Variants in EIF3M observed in about 807,000 individuals in gnomAD.
EIF3M encodes the protein B5 receptor.
In EIF3M, 25 loss-of-function variants were observed where a neutral mutation model predicts 49.7. That is an observed-to-expected ratio of 0.50 (90% CI 0.37 to 0.70). The LOEUF (loss-of-function observed/expected upper bound fraction) is 0.70, where lower values mean the gene tolerates loss of function less well. Ranked by LOEUF, EIF3M falls within the 30% of genes least tolerant of loss-of-function variation. The pLI is 0.00. For missense variants in EIF3M, 350 were observed against 440.0 expected (o/e 0.80, Z 1.83); for synonymous variants, 156 against 149.8 (o/e 1.04, Z -0.30).
At chr11:32,594,620 A>G in intron 6 of EIF3M, 1 of 244,146 alleles carries the variant, frequency 4.1e-6, no homozygotes, top group Non-Finnish European at 8.0e-6. Context: ...AGGCAAGTGA[A>G]GCACTTAGTG....
chr11:32,592,662 C>T (rs907935598), intron 5 of EIF3M: 4 of 503,546 alleles, frequency 7.9e-6, no homozygotes, highest in Non-Finnish European at 1.5e-5. Context: ...TGTGAGTGTG[C>T]TCCATTTCTT....
chr11:32,601,603 G>C, intron 9 of EIF3M, 159 bp from the exon 10 acceptor site: 1 of 561,166 alleles, frequency 1.8e-6, no homozygotes, highest in Non-Finnish European at 3.1e-6. Flanking sequence ...CTTTCTTTTG[G>C]TTGCCCCATA....
chr11:32,583,864 G>A lies in EIF3M; in HGVS notation c.-24G>A, dbSNP rs769875867. 22 of 1,611,316 alleles carry A rather than the reference G, an allele frequency of 1.4e-5. No individual in the cohort carries two copies. Among genetic ancestry groups the A allele is most frequent in the Non-Finnish European group, 1.8e-5 (21 of 1,178,188 alleles). Reference sequence around the variant, plus strand: ...GTCGGCGTGGTCTTGCGAGTGGAGTGTCCGCTGTGCCCGGGCCTGCACCAT... The same window carrying A: ...GTCGGCGTGGTCTTGCGAGTGGAGTATCCGCTGTGCCCGGGCCTGCACCAT... On this transcript the variant is annotated 5_prime_UTR_variant, in exon 1 of 11. Coordinates refer to ENST00000531120, the MANE Select transcript of EIF3M (RefSeq NM_006360.6).
Position 32,602,294 on chromosome 11 carries a change from G to C in EIF3M, c.1020G>C (p.Arg340=). ...CAATTTTTAGTCATAGCACACATCG[G>C]ACATTTGGAAAACAGCAGTGGCAAC... is the stretch of plus-strand genomic sequence containing the variant. ...RKVVVSHSTH[R]TFGKQQWQQL... is the part of the protein sequence containing the mutation. The change falls in exon 11 of 11, where the codon CGG becomes CGC. Residue 340 remains arginine, a synonymous_variant. Coordinates refer to ENST00000531120, the MANE Select transcript of EIF3M (RefSeq NM_006360.6). The C allele has an allele frequency of 6.2e-7, 1 of 1,611,112 alleles. No homozygotes were observed. Among genetic ancestry groups the C allele is most frequent in the South Asian group, 1.1e-5 (1 of 90,508 alleles).
chr11:32,584,449 T>C (rs1338204582), intron 1 of EIF3M, among the ~76,000 whole-genome samples: 1 of 150,016 alleles, frequency 6.7e-6, no homozygotes, highest in Non-Finnish European at 1.5e-5. Flanking sequence ...CTATTAAAAA[T>C]ACAAAAAAAT....
rs1855061733 is a variant in EIF3M, at chr11:32,589,580, A to G, written c.472A>G (p.Thr158Ala). Reference sequence around the variant, plus strand: ...ATGGATTTCTGACTGGAATCTCACCACTGAAAAAAAGCACACCCTTTTAAG... The same window carrying G: ...ATGGATTTCTGACTGGAATCTCACCGCTGAAAAAAAGCACACCCTTTTAAG... Reference protein sequence around the residue: ...RKWISDWNLTTEKKHTLLRLL... With the variant: ...RKWISDWNLTAEKKHTLLRLL... Residue 158 changes from threonine to alanine, a missense_variant, in exon 5 of 11, where the codon ACT (threonine) becomes GCT (alanine). Coordinates refer to ENST00000531120, the MANE Select transcript of EIF3M (RefSeq NM_006360.6). 1.2e-6 allele frequency: 2 copies of G among 1,614,058 alleles called. No individual in the cohort carries two copies. Among genetic ancestry groups the G allele is most frequent in the Middle Eastern group, 1.6e-4 (1 of 6,070 alleles).
chr11:32,589,806 AAG>A (rs1295706029), intron 5 of EIF3M, among the ~76,000 whole-genome samples, 165 bp downstream of exon 5: 2 of 152,212 alleles, frequency 1.3e-5, no homozygotes, highest in Admixed American at 1.3e-4. Flanking sequence ...GATAACTATA[AAG>A]ATTAAAAGTA....
At chr11:32,594,760 G>C in intron 6 of EIF3M, 154 bp from the exon 7 acceptor site, 1 of 568,138 alleles carries the variant, frequency 1.8e-6, no homozygotes, top group Non-Finnish European at 3.0e-6. Flanking sequence ...GTGTTGGCCT[G>C]TCTTAACCCA....
At chr11:32,593,840 G>A (rs1565048688) in intron 5 of EIF3M, 26 bp from the exon 6 acceptor site, 2 of 1,517,628 alleles carry the variant, frequency 1.3e-6, no homozygotes, top group East Asian at 2.4e-5. Context: ...ATGCTTTCAA[G>A]TTCCTAAAGC....
chr11:32,587,111 G>T lies in EIF3M; in HGVS notation c.142G>T (p.Ala48Ser). The T allele has an allele frequency of 6.2e-7, 1 of 1,612,122 alleles. No individual in the cohort carries two copies. The change falls in exon 2 of 11, where the codon GCC becomes TCC. Residue 48 changes from alanine (A) to serine (S), a missense_variant. Transcript: ENST00000531120. ...LHVDLAQIIEACDVCLKEDDK... is the reference protein window; with the variant it reads ...LHVDLAQIIESCDVCLKEDDK... ...TGTTGATTTAGCTCAAATTATTGAAGCCTGTGATGTGTGTCTGAAGGAGGA... is the reference window on the plus strand; with the variant it reads ...TGTTGATTTAGCTCAAATTATTGAATCCTGTGATGTGTGTCTGAAGGAGGA...
intron 8 of EIF3M, among the ~76,000 whole-genome samples, chr11:32,598,869 T>C (rs1181986580): frequency 2.6e-5 from 4 of 152,096 alleles, no homozygotes; most frequent in Non-Finnish European, 5.9e-5. Flanking sequence ...TACTTATTCA[T>C]TGATAAGAAA....
chr11:32,586,284 A>G (rs1417726438), intron 1 of EIF3M, among the ~76,000 whole-genome samples: 4 of 152,192 alleles, frequency 2.6e-5, no homozygotes, highest in Non-Finnish European at 5.9e-5. Flanking sequence ...TGGCTGCCAT[A>G]AAGAGTCCCA....
intron 1 of EIF3M, among the ~76,000 whole-genome samples, chr11:32,585,950 C>A (rs1202880422): frequency 6.6e-6 from 1 of 152,140 alleles, no homozygotes; most frequent in Admixed American, 6.5e-5. Flanking sequence ...TAAAACCAGG[C>A]TGAGCACGGT....
At position 32,589,048 on chromosome 11, in the gene EIF3M, T is replaced by G. The variant is rs544647585; in HGVS notation, c.351T>G (p.Thr117=). The change falls in exon 4 of 11, where the codon ACT becomes ACG. Residue 117 remains threonine, a synonymous_variant. Transcript: ENST00000531120. ...TTTTCCACGGGATGGATAAGAATAC[T>G]CCTGTAAGATACACAGTGTATTGCA... ...SNLFHGMDKN[T]PVRYTVYCSL... The G allele has an allele frequency of 6.2e-7, 1 of 1,614,232 alleles. No homozygotes were observed. Among genetic ancestry groups the G allele is most frequent in the South Asian group, 1.1e-5 (1 of 91,078 alleles).
intron 9 of EIF3M, 152 bp downstream of exon 9, chr11:32,600,984 T>C: frequency 1.0e-6 from 1 of 1,002,164 alleles, no homozygotes; most frequent in Non-Finnish European, 1.4e-6. Flanking sequence ...ATATTTGTTG[T>C]AGGGTGAAAA....
In EIF3M at chr11:32,602,837, A is replaced by G. The variant is rs371329027; in HGVS notation, c.*438A>G. 95 of 1,600,404 alleles carry G rather than the reference A, an allele frequency of 5.9e-5. No homozygotes were observed. Among genetic ancestry groups the G allele is most frequent in the African/African-American group, 2.7e-4 (20 of 73,770 alleles). On this transcript the variant is annotated 3_prime_UTR_variant, in exon 11 of 11. Coordinates refer to ENST00000531120, the MANE Select transcript of EIF3M (RefSeq NM_006360.6). ...TATTTTAATCTGTTGTTTTTTTCCA[A>G]CGTCTCTTCTGCTTTTCTTTTCTTT...
chr11:32,585,096 C>T (rs1188898217), intron 1 of EIF3M, among the ~76,000 whole-genome samples: 1 of 152,050 alleles, frequency 6.6e-6, no homozygotes. Flanking sequence ...CTCTCTCCTC[C>T]CCCCGCCCCA....
rs1855340279 is a variant in EIF3M, at chr11:32,605,673, TGA to T, written c.*3278_*3279del. On this transcript the variant is annotated 3_prime_UTR_variant, in exon 11 of 11. Transcript: ENST00000531120. ...TCTTTCCCCTTAACTACCCACTTGC[TGA>T]GAGGGGTAGGAGCAGGGATTGGCTT... The T allele has an allele frequency of 6.6e-6, 1 of 152,164 alleles. No individual in the cohort carries two copies. The highest frequency in any genetic ancestry group is 1.5e-5 in the Non-Finnish European group (1 of 68,024). The allele number at this position is 152,164 out of a possible 1,614,324, so 9.4% of individuals were successfully genotyped here.
chr11:32,587,184 C>T (rs758275151), intron 2 of EIF3M, 40 bp downstream of exon 2: 1 of 1,524,406 alleles, frequency 6.6e-7, no homozygotes, highest in South Asian at 1.3e-5. Context: ...CTAATAAAAT[C>T]TTTTAAATTT....
Sources: gnomAD v4.1 joint callset for allele counts (sites outside exome capture counted in the v4.1 genomes callset) on GRCh38, gnomAD v4.1.1 for gene constraint, MANE v1.5 for transcripts, NCBI Gene and HGNC (gene_info 2026-07-23, HGNC 2026-07-21) for gene names.